The following ODR4 variants were observed in gnomAD, a reference collection of about 807,000 sequenced individuals.
ODR4 encodes odr-4 GPCR localization factor homolog.
A neutral mutation model predicts 60.2 loss-of-function variants in ODR4; 47 were observed. That is an observed-to-expected ratio of 0.78 (90% CI 0.62 to 1.00). The LOEUF (loss-of-function observed/expected upper bound fraction) is 1.00. Ranked by LOEUF, ODR4 falls within the 50% of genes least tolerant of loss-of-function variation. The probability of loss-of-function intolerance (pLI) is 0.00; values close to 1 mark genes in which losing one functional copy is unlikely to be tolerated. For synonymous variants in ODR4, 178 were observed against 175.5 expected (o/e 1.01, Z -0.11); for missense variants, 488 against 530.8 (o/e 0.92, Z 0.79).
chr1:186,432,915 A>T, the ODR4 span, among the ~76,000 whole-genome samples: 1 of 151,692 alleles, frequency 6.6e-6, no homozygotes, highest in Non-Finnish European at 1.5e-5. Flanking sequence ...CCTCCTGAGT[A>T]GCTGGGACTA....
In ODR4 at chr1:186,406,249, T is replaced by G. The variant is rs146527212; in HGVS notation, c.1167T>G (p.Ile389Met). 4.0e-4 allele frequency: 638 copies of G among 1,604,898 alleles called. 9 individuals are homozygous for G. The East Asian group carries it at 0.013, about 34-fold the overall frequency. Residue 389 changes from isoleucine to methionine, a missense_variant, in exon 12 of 14, where the codon ATT (isoleucine) becomes ATG (methionine). Physicochemically the swap from Ile to Met is conservative, Grantham distance 10 (BLOSUM62 1). Coordinates refer to ENST00000287859, the MANE Select transcript of ODR4 (RefSeq NM_017847.6). The part of the protein sequence containing the change: ...DHTIQIEDLE[I>M]AEETNTACMS... ...CAATTCAAATAGAAGATTTGGAAAT[T>G]GCAGAGGAAACAAACACAGGTCATT...
intron 11 of ODR4, among the ~76,000 whole-genome samples, chr1:186,402,186 T>TTTTCTTTCTTTCTTTCTTTCTTTCTTTC (rs777903676): frequency 0.014 from 1,327 of 91,526 alleles, 52 homozygotes; most frequent in Admixed American, 0.037. Flanking sequence ...ATAGGCATCC[T>TTTTCTTTCTTTCTTTCTTTCTTTCTTTC]ATTCTTTCTT....
intron 12 of ODR4, among the ~76,000 whole-genome samples, chr1:186,412,474 G>C (rs922708298): frequency 6.6e-6 from 1 of 152,032 alleles, no homozygotes; most frequent in African/African-American, 2.4e-5. Flanking sequence ...TTACCTAGAA[G>C]TATAAGTTTC....
chr1:186,388,466 A>G lies in ODR4; in HGVS notation c.355A>G (p.Ile119Val). Reference protein sequence around the residue: ...RRLMFAVEKSINRKRLWNFTE... With the variant: ...RRLMFAVEKSVNRKRLWNFTE... ...GCTAATGTTTGCTGTGGAAAAGTCT[A>G]TAAATAGAAAGAGATTGTGGAATTT... The change falls in exon 5 of 14, where the codon ATA (isoleucine) becomes GTA (valine). Residue 119 changes from isoleucine (I) to valine (V), a missense_variant. Physicochemically the swap from Ile to Val is conservative, Grantham distance 29. Coordinates refer to ENST00000287859, the MANE Select transcript of ODR4 (RefSeq NM_017847.6). 6.4e-7 allele frequency: 1 copy of G among 1,563,762 alleles called. No individual in the cohort carries two copies. The highest frequency in any genetic ancestry group is 1.4e-5 in the African/African-American group (1 of 73,648).
intron 13 of ODR4, 83 bp from the exon 14 acceptor site, chr1:186,418,926 C>A: frequency 8.6e-7 from 1 of 1,160,588 alleles, no homozygotes. Flanking sequence ...CCATCAGTTA[C>A]CCACATTTCA....
intron 13 of ODR4, among the ~76,000 whole-genome samples, chr1:186,418,346 A>G (rs1225484026): frequency 7.3e-6 from 1 of 137,746 alleles, no homozygotes; most frequent in Non-Finnish European, 1.5e-5. Context: ...GCTGGAGTGC[A>G]GTGGCGCAAT....
At chr1:186,401,194 G>C in intron 11 of ODR4, 1 of 1,570,682 alleles carries the variant, frequency 6.4e-7, no homozygotes, top group Non-Finnish European at 8.7e-7. Flanking sequence ...TTTTGCTGAT[G>C]TTCAATTAGT....
chr1:186,427,567 T>C, the ODR4 span, among the ~76,000 whole-genome samples: 6 of 152,240 alleles, frequency 3.9e-5, no homozygotes, highest in Admixed American at 1.3e-4. Flanking sequence ...CAGTCATTCA[T>C]GAGGGTTGGA....
rs570438675 is a variant in ODR4 at position 186,399,927 on chromosome 1, A to T, written c.1000+883A>T. The stretch of plus-strand genomic sequence containing the variant: ...TTAAAAAATTTTTTTAATCAAAAGC[A>T]AGTTAAAATATTGAGTACACTTTTT... On this transcript the variant is annotated intron_variant, in intron 11 of 13. Transcript: ENST00000287859. Among the ~76,000 whole-genome samples, 5 of 152,050 alleles carry T rather than the reference A, an allele frequency of 3.3e-5. No individual in the cohort carries two copies. The East Asian group carries it at 9.6e-4, about 29-fold the overall frequency.
chr1:186,422,077 T>A (rs868014818), downstream of ODR4, among the ~76,000 whole-genome samples: 6 of 151,970 alleles, frequency 3.9e-5, no homozygotes, highest in African/African-American at 1.2e-4. Flanking sequence ...CAGATTTTTT[T>A]AAAAACCCAA....
At chr1:186,383,757 A>T (rs1273766969) in intron 3 of ODR4, among the ~76,000 whole-genome samples, 9 of 75,920 alleles carry the variant, frequency 1.2e-4, no homozygotes, top group South Asian at 7.1e-4. Flanking sequence ...AGTTATATTT[A>T]AAAAAAAAAT....
intron 4 of ODR4, among the ~76,000 whole-genome samples, chr1:186,386,644 G>T (rs976748812): frequency 3.3e-5 from 5 of 152,040 alleles, no homozygotes. Flanking sequence ...TTATTTTAGA[G>T]GTAATTTCTG....
the ODR4 span, among the ~76,000 whole-genome samples, chr1:186,434,154 A>ATATTT: frequency 1.4e-4 from 22 of 152,002 alleles, no homozygotes; most frequent in African/African-American, 5.3e-4. Flanking sequence ...AAGTAATATT[A>ATATTT]TGTATATAAG....
chr1:186,383,290 G>A (rs904979271), intron 3 of ODR4, 134 bp downstream of exon 3: 4 of 993,466 alleles, frequency 4.0e-6, no homozygotes, highest in Non-Finnish European at 2.9e-6. Context: ...TTTTAGTCTG[G>A]GTGTCTAGGA....
intron 12 of ODR4, among the ~76,000 whole-genome samples, chr1:186,416,628 C>T (rs913769508): frequency 1.6e-4 from 24 of 151,698 alleles, no homozygotes; most frequent in East Asian, 3.9e-4. Flanking sequence ...GCTGAGACCA[C>T]GCCATTGCAC....
rs770226934 is a variant in ODR4, at chr1:186,383,165, ATTTT to A, written c.234+13_234+16del. The A allele has an allele frequency of 6.5e-6, 10 of 1,540,776 alleles. No individual in the cohort carries two copies. Among genetic ancestry groups the A allele is most frequent in the Non-Finnish European group, 8.7e-6 (10 of 1,144,534 alleles). ...CAGAACATGCCTGCCAGGTTATCTTATTTTTTTGTTTATATGTTTAAGTTTTATT... is the reference window on the plus strand; with the variant it reads ...CAGAACATGCCTGCCAGGTTATCTTATTTGTTTATATGTTTAAGTTTTATT... On this transcript the variant is annotated intron_variant, in intron 3 of 13. Transcript: ENST00000287859.
intron 11 of ODR4, chr1:186,401,011 T>G (rs1298812326): frequency 6.4e-7 from 1 of 1,570,462 alleles, no homozygotes; most frequent in Admixed American, 1.7e-5. Context: ...CAGTGTATAT[T>G]ATAGCTGCAT....
Position 186,386,008 on chromosome 1 carries a change from GGGA to G in ODR4, c.256_258del (p.Gly86del), listed in dbSNP as rs1660236163. 6.3e-7 allele frequency: 1 copy of G among 1,599,478 alleles called. No homozygotes were observed. Among genetic ancestry groups the G allele is most frequent in the East Asian group, 2.3e-5 (1 of 44,420 alleles). The stretch of plus-strand genomic sequence containing the variant: ...TTTAGGTATCCAGAATGCTACCAGG[GGGA>G]CTTTTAGTTCTTGGAGTATTTATTA... On this transcript the variant is annotated inframe_deletion, in exon 4 of 14. Transcript: ENST00000287859.
intron 11 of ODR4, among the ~76,000 whole-genome samples, chr1:186,403,803 G>T (rs1292122136): frequency 6.6e-6 from 1 of 151,872 alleles, no homozygotes; most frequent in Admixed American, 6.6e-5. Context: ...TCTCATAGAT[G>T]ACCTACTCAT....
Sources: allele counts gnomAD v4.1 joint callset (sites outside exome capture counted in the v4.1 genomes callset), GRCh38; gene constraint gnomAD v4.1.1; transcripts MANE v1.5; gene names NCBI Gene and HGNC (gene_info 2026-07-23, HGNC 2026-07-21).